Variants in ROR1 observed in about 807,000 individuals in gnomAD.
The protein encoded by ROR1 is ROR family WNT receptor 1, also known as inactive tyrosine-protein kinase transmembrane receptor ROR1.
Under a neutral mutation model 78.8 loss-of-function variants are expected in ROR1, and 19 were observed. The ratio of observed to expected loss-of-function variants is 0.24; its 90% confidence interval spans 0.17 to 0.35. ROR1 has a LOEUF of 0.35. ROR1 is among the 10% of genes least tolerant of loss of function. The pLI is 1.00. For synonymous variants in ROR1, 386 were observed against 433.6 expected, an observed-to-expected ratio of 0.89 and a Z score of 1.36; for missense variants, 917 against 1,177.8, an observed-to-expected ratio of 0.78 and a Z score of 3.24.
At chr1:63,933,461 C>T (rs1203177920) in intron 1 of ROR1, among the ~76,000 whole-genome samples, 3 of 152,112 alleles carry the variant, frequency 2.0e-5, no homozygotes, top group Admixed American at 6.5e-5. Flanking sequence ...AAATGTCTGG[C>T]ATATAATAGG....
chr1:64,146,198 G>T (rs1649468271), intron 7 of ROR1, among the ~76,000 whole-genome samples: 2 of 152,188 alleles, frequency 1.3e-5, no homozygotes, highest in African/African-American at 4.8e-5. Context: ...GAAATGGGCT[G>T]GGCTTGGTGG....
At chr1:64,036,926 CA>C (rs1179485741) in intron 2 of ROR1, among the ~76,000 whole-genome samples, 1 of 152,152 alleles carries the variant, frequency 6.6e-6, no homozygotes, top group Non-Finnish European at 1.5e-5. Context: ...ACTGAGAAGA[CA>C]AAAACAGCTG....
At chr1:63,832,599 A>G (rs559391213) in intron 1 of ROR1, among the ~76,000 whole-genome samples, 1 of 152,350 alleles carries the variant, frequency 6.6e-6, no homozygotes, top group South Asian at 2.1e-4. Context: ...TTTCTGGAAC[A>G]TGGAATTAGT....
intron 1 of ROR1, among the ~76,000 whole-genome samples, chr1:63,959,575 T>A (rs1354194400): frequency 6.6e-6 from 1 of 152,222 alleles, no homozygotes; most frequent in African/African-American, 2.4e-5. Context: ...GGAACCCCAG[T>A]GTAGCATTTG....
In ROR1 at chr1:64,169,449, T is replaced by G. The variant is rs544557946; in HGVS notation, c.1387-7979T>G. 1.1e-4 allele frequency among the ~76,000 whole-genome samples: 17 copies of G among 152,216 alleles called. 1 individual carries two copies. The South Asian group carries it at 2.7e-3, about 24-fold the overall frequency. On this transcript the variant is annotated intron_variant, in intron 8 of 8. Transcript: ENST00000371079. ...AACCATCAGCTCTCATGAGACTTAT[T>G]CACTATCACGAGAACAGCATGGGAA...
chr1:63,889,819 A>G (rs1460361578), intron 1 of ROR1, among the ~76,000 whole-genome samples: 2 of 152,190 alleles, frequency 1.3e-5, no homozygotes, highest in East Asian at 3.8e-4. Context: ...GGTGAATGAA[A>G]CTACCCTGAA....
chr1:64,047,813 T>C (rs1287568400), intron 2 of ROR1, among the ~76,000 whole-genome samples: 1 of 152,176 alleles, frequency 6.6e-6, no homozygotes, highest in African/African-American at 2.4e-5. Context: ...GAGATCAAAA[T>C]ATAAATGTTA....
intron 1 of ROR1, among the ~76,000 whole-genome samples, chr1:63,877,409 C>T (rs1166132712): frequency 6.6e-6 from 1 of 152,162 alleles, no homozygotes; most frequent in Non-Finnish European, 1.5e-5. Context: ...CGCACATCAC[C>T]TGACGTTGTA....
intron 1 of ROR1, among the ~76,000 whole-genome samples, chr1:63,801,868 C>T (rs1404213690): frequency 6.6e-6 from 1 of 152,164 alleles, no homozygotes; most frequent in Non-Finnish European, 1.5e-5. Context: ...GTGCTGTCTT[C>T]TTTCACAACC....
intron 1 of ROR1, among the ~76,000 whole-genome samples, chr1:63,830,400 T>TG (rs942389816): frequency 2.0e-5 from 3 of 152,098 alleles, no homozygotes; most frequent in Non-Finnish European, 4.4e-5. Context: ...TCTGCATGGC[T>TG]GGGGGGTCTC....
chr1:63,848,843 C>T (rs1645097242), intron 1 of ROR1, among the ~76,000 whole-genome samples: 1 of 152,190 alleles, frequency 6.6e-6, no homozygotes, highest in South Asian at 2.1e-4. Context: ...GACAAACCTA[C>T]ATTTGTGAAG....
At chr1:63,840,446 A>T (rs1174377252) in intron 1 of ROR1, among the ~76,000 whole-genome samples, 1 of 151,162 alleles carries the variant, frequency 6.6e-6, no homozygotes, top group Non-Finnish European at 1.5e-5. Flanking sequence ...CGCCTAGCTA[A>T]TTTTTTTGTA....
intron 7 of ROR1, among the ~76,000 whole-genome samples, chr1:64,143,578 C>T (rs923164270): frequency 1.3e-5 from 2 of 152,122 alleles, no homozygotes; most frequent in Non-Finnish European, 2.9e-5. Flanking sequence ...ACCCACAATA[C>T]AAAGTGAGCT....
At chr1:63,947,418 A>G (rs1645899149) in intron 1 of ROR1, among the ~76,000 whole-genome samples, 1 of 152,206 alleles carries the variant, frequency 6.6e-6, no homozygotes, top group Non-Finnish European at 1.5e-5. Flanking sequence ...AATTGCATCT[A>G]ATGGAGGGTA....
intron 1 of ROR1, among the ~76,000 whole-genome samples, chr1:63,823,823 C>T (rs1005324328): frequency 6.6e-6 from 1 of 151,676 alleles, no homozygotes; most frequent in African/African-American, 2.4e-5. Flanking sequence ...TCCCGGCTTA[C>T]TGCAACCTCT....
intron 1 of ROR1, among the ~76,000 whole-genome samples, chr1:63,939,653 G>A (rs1400139794): frequency 3.9e-5 from 6 of 152,240 alleles, no homozygotes; most frequent in South Asian, 2.1e-4. Context: ...GTGTTACCTC[G>A]AATAGGGAAC....
At position 63,774,412 on chromosome 1, in the gene ROR1, G is replaced by A. The variant is rs764099340; in HGVS notation, c.-6G>A. 142 of 1,238,584 alleles carry A rather than the reference G, an allele frequency of 1.1e-4. 1 individual carries two copies. The African/African-American group carries it at 2.0e-3, about 18-fold the overall frequency. The allele number at this position is 1,238,584 out of a possible 1,614,324, so 76.7% of individuals were successfully genotyped here. On this transcript the variant is annotated 5_prime_UTR_variant, in exon 1 of 9. Coordinates refer to ENST00000371079, the MANE Select transcript of ROR1 (RefSeq NM_005012.4). The surrounding 1 kb of genome is among the most constrained non-coding windows in gnomAD (Gnocchi z 5.7). Reference sequence around the variant, plus strand: ...CGCCGCCGCCGCCGCCTCAGCGAGAGGAGGAATGCACCGGCCGCGCCGCCG... The same window carrying A: ...CGCCGCCGCCGCCGCCTCAGCGAGAAGAGGAATGCACCGGCCGCGCCGCCG...
chr1:64,151,031 G>A (rs1322627004), intron 7 of ROR1, among the ~76,000 whole-genome samples: 1 of 152,196 alleles, frequency 6.6e-6, no homozygotes, highest in Non-Finnish European at 1.5e-5. Flanking sequence ...TGTTGCCACT[G>A]GCTTTGTAAC....
intron 4 of ROR1, among the ~76,000 whole-genome samples, chr1:64,103,225 A>G (rs954022608): frequency 1.3e-5 from 2 of 152,034 alleles, no homozygotes; most frequent in Admixed American, 1.3e-4. Context: ...TTAAAGTAGT[A>G]TTTTCCAATT....
Sources: allele counts gnomAD v4.1 joint callset (sites outside exome capture counted in the v4.1 genomes callset), GRCh38; gene constraint gnomAD v4.1.1; non-coding constraint Gnocchi (gnomAD v3.1); transcripts MANE v1.5; gene names NCBI Gene and HGNC (gene_info 2026-07-23, HGNC 2026-07-21).